ARHGAP28: variants seen among roughly 807,000 people sequenced by gnomAD.
The protein encoded by ARHGAP28 is Rho GTPase activating protein 28, also known as rho GTPase-activating protein 28.
A neutral mutation model predicts 90.7 loss-of-function variants in ARHGAP28; 56 were observed. The observed-to-expected ratio is 0.62, with a 90% CI of 0.50 to 0.77. The LOEUF is 0.77. Ranked by LOEUF, ARHGAP28 falls within the 30% of genes least tolerant of loss-of-function variation. The pLI is 0.00. For missense variants in ARHGAP28, 869 were observed against 900.9 expected (o/e 0.96, Z 0.45); for synonymous variants, 308 against 323.3 (o/e 0.95, Z 0.51).
At chr18:6,776,464 G>A (rs979314155) in intron 1 of ARHGAP28, among the ~76,000 whole-genome samples, 2 of 152,216 alleles carry the variant, frequency 1.3e-5, no homozygotes, top group Admixed American at 6.5e-5. Flanking sequence ...GAGTATCACA[G>A]CCATTCAAGT....
At chr18:6,763,584 C>A (rs1294669889) in intron 1 of ARHGAP28, among the ~76,000 whole-genome samples, 2 of 152,200 alleles carry the variant, frequency 1.3e-5, no homozygotes, top group Non-Finnish European at 2.9e-5. Flanking sequence ...ACTGCAGACA[C>A]TTGTTTAATT....
chr18:6,844,258 G>C (rs1159216557), intron 3 of ARHGAP28, among the ~76,000 whole-genome samples: 5 of 152,188 alleles, frequency 3.3e-5, no homozygotes, highest in Non-Finnish European at 7.3e-5. Flanking sequence ...ACAAATATGA[G>C]TTTGTTTTTC....
intron 9 of ARHGAP28, 114 bp from the exon 10 acceptor site, chr18:6,876,017 A>G: frequency 1.2e-6 from 1 of 839,424 alleles, no homozygotes; most frequent in Non-Finnish European, 1.9e-6. Context: ...TTCAAGTGCC[A>G]GGCAAATATA....
chr18:6,863,048 A>T (rs551182816), intron 5 of ARHGAP28, among the ~76,000 whole-genome samples: 1 of 151,762 alleles, frequency 6.6e-6, no homozygotes, highest in Non-Finnish European at 1.5e-5. Context: ...TAATTTTATG[A>T]TTTTTCTCAG....
intron 1 of ARHGAP28, chr18:6,730,231 A>ATATATATATATATATATATATATATATC: frequency 4.9e-6 from 1 of 204,374 alleles, no homozygotes; most frequent in African/African-American, 2.4e-5. Context: ...GTATATATAT[A>ATATATATATATATATATATATATATATC]TATATACCTC....
chr18:6,868,074 C>A, intron 5 of ARHGAP28, 76 bp from the exon 6 acceptor site: 1 of 1,246,094 alleles, frequency 8.0e-7, no homozygotes, highest in Non-Finnish European at 1.2e-6. Context: ...TACTGCAGAA[C>A]ATAAGTCAGG....
In ARHGAP28 at chr18:6,896,498, G is replaced by A; in HGVS notation, c.1906-4G>A. On this transcript the variant is annotated splice_polypyrimidine_tract_variant and splice_region_variant and intron_variant, in intron 15 of 17. Coordinates refer to ENST00000383472, the MANE Select transcript of ARHGAP28 (RefSeq NM_001366230.1). ...GACTGTACTGAATTTCTCCTCCTTG[G>A]CAGTCTGACGTGCCGGAAGGAGTCA... The A allele has an allele frequency of 6.2e-7, 1 of 1,613,488 alleles. No individual in the cohort carries two copies. Among genetic ancestry groups the A allele is most frequent in the South Asian group, 1.1e-5 (1 of 90,970 alleles).
chr18:6,771,176 A>G (rs1053955830), intron 1 of ARHGAP28, among the ~76,000 whole-genome samples: 3 of 152,036 alleles, frequency 2.0e-5, no homozygotes, highest in Non-Finnish European at 4.4e-5. Context: ...AGCTGGGACT[A>G]TGGGTGTGCA....
chr18:6,851,044 C>T lies in ARHGAP28; in HGVS notation c.554C>T (p.Thr185Ile). 6.2e-7 allele frequency: 1 copy of T among 1,613,984 alleles called. No homozygotes were observed. The highest frequency in any genetic ancestry group is 8.5e-7 in the Non-Finnish European group (1 of 1,179,972). ...CATTTCTTCCGTTAGCCTCGTGATA[C>T]CTGTGGCAACCACACTAATCAGCTG... is the stretch of plus-strand genomic sequence containing the variant. Reference protein sequence around the residue: ...FGVSESPPRDTCGNHTNQLDG... With the variant: ...FGVSESPPRDICGNHTNQLDG... Residue 185 changes from threonine to isoleucine, a missense_variant, in exon 4 of 18, where the codon ACC (threonine) becomes ATC (isoleucine). Thr to Ile is a moderately conservative substitution (Grantham distance 89). Transcript: ENST00000383472.
intron 11 of ARHGAP28, among the ~76,000 whole-genome samples, chr18:6,884,520 A>G (rs1429387479): frequency 6.6e-6 from 1 of 152,252 alleles, no homozygotes; most frequent in Non-Finnish European, 1.5e-5. Flanking sequence ...TTATGAATAT[A>G]GTCTTTGGAG....
chr18:6,740,033 T>C (rs1476448472), intron 1 of ARHGAP28, among the ~76,000 whole-genome samples: 1 of 152,110 alleles, frequency 6.6e-6, no homozygotes, highest in Non-Finnish European at 1.5e-5. Flanking sequence ...TTTGTATCTT[T>C]AGTGGAGACG....
intron 1 of ARHGAP28, among the ~76,000 whole-genome samples, chr18:6,742,562 A>G (rs1300982105): frequency 1.3e-5 from 2 of 152,152 alleles, no homozygotes; most frequent in Non-Finnish European, 2.9e-5. Flanking sequence ...TGAGTTTGAC[A>G]TGTGAAATTT....
chr18:6,875,981 G>A (rs2143579084), intron 9 of ARHGAP28, 150 bp from the exon 10 acceptor site: 2 of 626,834 alleles, frequency 3.2e-6, no homozygotes, highest in South Asian at 2.1e-5. Flanking sequence ...GACGTCATAG[G>A]ATGGTTATGA....
chr18:6,901,347 A>C (rs9946380), intron 16 of ARHGAP28, among the ~76,000 whole-genome samples: 2,732 of 152,242 alleles, frequency 0.018, 70 homozygotes, highest in African/African-American at 0.063. Context: ...ATTACATTTT[A>C]AAATGGTGGT....
chr18:6,910,940 G>A (rs1302393256), intron 17 of ARHGAP28, among the ~76,000 whole-genome samples: 2 of 151,852 alleles, frequency 1.3e-5, no homozygotes, highest in South Asian at 2.1e-4. Context: ...CGCCTCCCGG[G>A]TTCACGCCAT....
At chr18:6,865,522 A>G (rs574534655) in intron 5 of ARHGAP28, among the ~76,000 whole-genome samples, 1 of 152,330 alleles carries the variant, frequency 6.6e-6, no homozygotes, top group African/African-American at 2.4e-5. Flanking sequence ...AATCAAGCAC[A>G]GGTGGCTTTA....
intron 1 of ARHGAP28, among the ~76,000 whole-genome samples, chr18:6,802,652 T>C (rs1255476484): frequency 2.0e-5 from 3 of 152,154 alleles, no homozygotes; most frequent in African/African-American, 7.2e-5. Context: ...CAGCCTATTT[T>C]TTTTGTGTTT....
At chr18:6,772,725 A>AT (rs1215021008) in intron 1 of ARHGAP28, among the ~76,000 whole-genome samples, 20 of 149,848 alleles carry the variant, frequency 1.3e-4, no homozygotes, top group East Asian at 3.9e-4. Context: ...GATGGGTTTT[A>AT]TTTTTTTTTA....
chr18:6,905,892 A>C (rs2057362329), intron 16 of ARHGAP28, among the ~76,000 whole-genome samples: 1 of 152,166 alleles, frequency 6.6e-6, no homozygotes, highest in Non-Finnish European at 1.5e-5. Flanking sequence ...AAATTAAAGA[A>C]GACCTAAAGA....
Sources: gnomAD v4.1 joint callset for allele counts (sites outside exome capture counted in the v4.1 genomes callset) on GRCh38, gnomAD v4.1.1 for gene constraint, MANE v1.5 for transcripts, NCBI Gene and HGNC (gene_info 2026-07-23, HGNC 2026-07-21) for gene names.